The following EIF2B3 variants were observed in gnomAD, a reference collection of about 807,000 sequenced individuals.
EIF2B3 encodes the protein eukaryotic translation initiation factor 2B subunit gamma.
In EIF2B3, 20 loss-of-function variants were observed where a neutral mutation model predicts 54.1. The observed-to-expected ratio is 0.37, with a 90% CI of 0.26 to 0.54. The LOEUF is 0.54. Among genes scored for constraint, EIF2B3 ranks in the 20% least tolerant of loss-of-function variants. EIF2B3 has a pLI of 0.86. For synonymous variants in EIF2B3, 153 were observed against 188.1 expected, an observed-to-expected ratio of 0.81 and a Z score of 1.52; for missense variants, 448 against 547.8, an observed-to-expected ratio of 0.82 and a Z score of 1.82.
At chr1:44,936,102 GA>G (rs905151412) in intron 4 of EIF2B3, among the ~76,000 whole-genome samples, 1 of 151,492 alleles carries the variant, frequency 6.6e-6, no homozygotes, top group Admixed American at 6.6e-5. Context: ...ATCTACTGAT[GA>G]AAAAAAAGAA....
chr1:44,864,708 T>C (rs1654714770), intron 10 of EIF2B3, among the ~76,000 whole-genome samples: 1 of 152,210 alleles, frequency 6.6e-6, no homozygotes, highest in Non-Finnish European at 1.5e-5. Context: ...GGTAGAGTTT[T>C]CCAGAGGGTT....
At chr1:44,902,030 C>T (rs1643317575) in intron 5 of EIF2B3, among the ~76,000 whole-genome samples, 1 of 152,162 alleles carries the variant, frequency 6.6e-6, no homozygotes, top group Admixed American at 6.5e-5. Flanking sequence ...AAGGATCAAA[C>T]TGTTCTAGCA....
chr1:44,982,806 A>G (rs1435227600), intron 1 of EIF2B3, among the ~76,000 whole-genome samples: 1 of 144,596 alleles, frequency 6.9e-6, no homozygotes, highest in Non-Finnish European at 1.5e-5. Flanking sequence ...CTTGTTGCCC[A>G]GGCTGAAGTG....
At chr1:44,931,190 G>T (rs913218385) in intron 4 of EIF2B3, among the ~76,000 whole-genome samples, 2 of 152,172 alleles carry the variant, frequency 1.3e-5, no homozygotes, top group East Asian at 1.9e-4. Flanking sequence ...AGTTGGAAAG[G>T]CCCAAGTGAT....
At chr1:44,913,343 A>T (rs2148923828) in intron 5 of EIF2B3, among the ~76,000 whole-genome samples, 1 of 152,216 alleles carries the variant, frequency 6.6e-6, no homozygotes, top group South Asian at 2.1e-4. Flanking sequence ...TTCTTCGCAG[A>T]ATTCCAGAGC....
chr1:44,856,262 C>T (rs1162629861), intron 11 of EIF2B3, among the ~76,000 whole-genome samples: 1 of 152,042 alleles, frequency 6.6e-6, no homozygotes, highest in East Asian at 1.9e-4. Context: ...TACCTGTAAT[C>T]TCAGCACTTT....
intron 1 of EIF2B3, 35 bp from the exon 2 acceptor site, chr1:44,981,212 A>G (rs1250483408): frequency 6.2e-7 from 1 of 1,610,772 alleles, no homozygotes; most frequent in Admixed American, 1.7e-5. Flanking sequence ...ACAGAAAAAA[A>G]ACAATGTAAC....
At chr1:44,912,030 A>G in intron 5 of EIF2B3, among the ~76,000 whole-genome samples, 1 of 151,360 alleles carries the variant, frequency 6.6e-6, no homozygotes. Flanking sequence ...TACAAAGGAC[A>G]TGAACTCATC....
rs115961514 is a variant in EIF2B3, at chr1:44,880,122, C to T, written c.785-114G>A. Reference sequence around the variant, plus strand: ...TAAGAGACGAGGTCTTGCTATGTTGCCTAGGCTGGTCTCAAACTCCCAGAC... The same window carrying T: ...TAAGAGACGAGGTCTTGCTATGTTGTCTAGGCTGGTCTCAAACTCCCAGAC... On this transcript the variant is annotated intron_variant, in intron 7 of 11. Coordinates refer to ENST00000360403, the MANE Select transcript of EIF2B3 (RefSeq NM_020365.5). The T allele has an allele frequency of 2.9e-3, 3,480 of 1,188,108 alleles. 89 individuals are homozygous for T. In the African/African-American group the frequency reaches 0.046, roughly 16 times the overall value. The allele number at this position is 1,188,108 out of a possible 1,614,324, so 73.6% of individuals were successfully genotyped here.
At chr1:44,960,145 G>A (rs1415623861) in intron 3 of EIF2B3, among the ~76,000 whole-genome samples, 2 of 152,226 alleles carry the variant, frequency 1.3e-5, no homozygotes, top group African/African-American at 4.8e-5. Flanking sequence ...TGTATGTTCA[G>A]TCCCTATATG....
chr1:44,979,146 G>A (rs1245562664), intron 2 of EIF2B3, among the ~76,000 whole-genome samples: 9 of 150,670 alleles, frequency 6.0e-5, no homozygotes, highest in Non-Finnish European at 1.3e-4. Flanking sequence ...AAAAACCAGA[G>A]GTTTAGGTGG....
chr1:44,893,220 T>A (rs1343160126), intron 6 of EIF2B3, among the ~76,000 whole-genome samples: 1 of 152,228 alleles, frequency 6.6e-6, no homozygotes, highest in Non-Finnish European at 1.5e-5. Context: ...TATGCCATCA[T>A]GCCCAGCTAA....
At chr1:44,945,452 G>C (rs1190687173) in intron 3 of EIF2B3, among the ~76,000 whole-genome samples, 1 of 151,800 alleles carries the variant, frequency 6.6e-6, no homozygotes, top group Admixed American at 6.6e-5. Flanking sequence ...TACTCGGGAG[G>C]CTGAGGCAGG....
At chr1:44,877,277 G>C (rs945553710) in intron 8 of EIF2B3, among the ~76,000 whole-genome samples, 2 of 145,446 alleles carry the variant, frequency 1.4e-5, no homozygotes, top group Admixed American at 1.4e-4. Flanking sequence ...CTCAGCCATA[G>C]CTTCCTGTCT....
At chr1:44,892,447 G>A (rs1655827040) in intron 6 of EIF2B3, among the ~76,000 whole-genome samples, 1 of 151,976 alleles carries the variant, frequency 6.6e-6, no homozygotes, top group Non-Finnish European at 1.5e-5. Context: ...AGTCATGGTG[G>A]TGAGTGCCTG....
intron 5 of EIF2B3, among the ~76,000 whole-genome samples, chr1:44,913,260 C>A (rs1643552042): frequency 6.6e-6 from 1 of 151,842 alleles, no homozygotes; most frequent in Non-Finnish European, 1.5e-5. Flanking sequence ...AAAAAAACTC[C>A]CTCTGCTTCC....
chr1:44,850,612 A>G lies in EIF2B3; in HGVS notation c.*339T>C. Reference sequence around the variant, plus strand: ...GTCCTTTTAGGTGAGGGATACTTTCAGGACTGGGTTGGGTCAGCCAGTCAG... The same window carrying G: ...GTCCTTTTAGGTGAGGGATACTTTCGGGACTGGGTTGGGTCAGCCAGTCAG... On this transcript the variant is annotated 3_prime_UTR_variant, in exon 12 of 12. Transcript: ENST00000360403. 2.6e-6 allele frequency: 1 copy of G among 382,104 alleles called. No homozygotes were observed. Among genetic ancestry groups the G allele is most frequent in the South Asian group, 2.9e-5 (1 of 34,180 alleles). 23.7% of individuals were successfully genotyped at this position (382,104 alleles called of 1,614,324 possible).
intron 4 of EIF2B3, among the ~76,000 whole-genome samples, chr1:44,936,070 A>G (rs12739573): frequency 6.6e-6 from 1 of 151,916 alleles, no homozygotes; most frequent in East Asian, 1.9e-4. Context: ...CAATGGCGAG[A>G]CAATGGCTGA....
intron 11 of EIF2B3, among the ~76,000 whole-genome samples, chr1:44,856,923 G>C (rs993330153): frequency 6.6e-6 from 1 of 152,146 alleles, no homozygotes; most frequent in African/African-American, 2.4e-5. Flanking sequence ...TCCTGCCTCA[G>C]CCTCTTGAGT....
Sources: gnomAD v4.1 joint callset for allele counts (sites outside exome capture counted in the v4.1 genomes callset) on GRCh38, gnomAD v4.1.1 for gene constraint, MANE v1.5 for transcripts, NCBI Gene and HGNC (gene_info 2026-07-23, HGNC 2026-07-21) for gene names.